C3: variants seen among roughly 807,000 people sequenced by gnomAD.
C3 encodes C3 and PZP-like alpha-2-macroglobulin domain-containing protein 1.
A neutral mutation model predicts 207.9 loss-of-function variants in C3; 97 were observed. The ratio of observed to expected loss-of-function variants is 0.47; its 90% confidence interval spans 0.40 to 0.55. The LOEUF is 0.55. Among genes scored for constraint, C3 ranks in the 20% least tolerant of loss-of-function variants. The pLI is 0.00. For missense variants in C3, 1,684 were observed against 2,171.7 expected (o/e 0.78, Z 4.46); for synonymous variants, 848 against 857.6 (o/e 0.99, Z 0.20).
At chr19:6,685,490 T>C (rs1187106488) in intron 29 of C3, among the ~76,000 whole-genome samples, 3 of 152,086 alleles carry the variant, frequency 2.0e-5, no homozygotes, top group South Asian at 4.1e-4. Flanking sequence ...ACTGAGAATA[T>C]GTCTAGAACC....
chr19:6,707,366 C>A, intron 16 of C3, 93 bp from the exon 17 acceptor site: 1 of 1,596,646 alleles, frequency 6.3e-7, no homozygotes, highest in Non-Finnish European at 8.6e-7. Context: ...ACTTCCCCGC[C>A]GCCAGGGCCT....
Position 6,678,451 on chromosome 19 carries a change from G to A in C3, c.4635C>T (p.Tyr1545=), listed in dbSNP as rs189948635. Reference sequence around the variant, plus strand: ...GCTGAACCTTGACCAGTCGGGTCTTGTACACTGTGGGGGAGAGGCAGACAG... The same window carrying A: ...GCTGAACCTTGACCAGTCGGGTCTTATACACTGTGGGGGAGAGGCAGACAG... The part of the protein sequence containing the change: ...KACEPGVDYV[Y]KTRLVKVQLS... Residue 1545 remains tyrosine, a synonymous_variant, in exon 39 of 41, where the codon TAC becomes TAT. Coordinates refer to ENST00000245907, the MANE Select transcript of C3 (RefSeq NM_000064.4). The A allele has an allele frequency of 1.8e-4, 296 of 1,614,036 alleles. No individual in the cohort carries two copies. In the East Asian group the frequency reaches 4.1e-3, roughly 22 times the overall value.
At chr19:6,707,387 C>T (rs878967270) in intron 16 of C3, 79 bp downstream of exon 16, 2 of 1,600,478 alleles carry the variant, frequency 1.2e-6, no homozygotes, top group South Asian at 2.2e-5. Flanking sequence ...CCCCTCCTCC[C>T]TCTCTGGCTC....
intron 23 of C3, among the ~76,000 whole-genome samples, chr19:6,695,700 A>C (rs1427398579): frequency 6.6e-6 from 1 of 151,816 alleles, no homozygotes; most frequent in Non-Finnish European, 1.5e-5. Context: ...GGCTGGTCTC[A>C]AACTCCTACC....
At chr19:6,707,592 C>T (rs537661357) in intron 15 of C3, 55 bp from the exon 16 acceptor site, 3 of 1,592,672 alleles carry the variant, frequency 1.9e-6, no homozygotes, top group East Asian at 2.2e-5. Context: ...TAGGTGTCCT[C>T]GGTTCACCCC....
In C3 at chr19:6,719,135, G is replaced by C; in HGVS notation, c.267+76C>G. 7.7e-7 allele frequency: 1 copy of C among 1,290,520 alleles called. No homozygotes were observed. The highest frequency in any genetic ancestry group is 1.1e-6 in the Non-Finnish European group (1 of 886,870). 79.9% of individuals were successfully genotyped at this position (1,290,520 alleles called of 1,614,324 possible). A position where few individuals can be genotyped will look rare whatever the true frequency, so the allele number is the denominator to read the frequency against. On this transcript the variant is annotated intron_variant, in intron 2 of 40. Transcript: ENST00000245907. The surrounding 1 kb of genome is among the most constrained non-coding windows in gnomAD (Gnocchi z 5.4). Reference sequence around the variant, plus strand: ...GGCTTAGAAAGGGAGAAGACAGAAGGGGAGGGGCTCAGGAGGAGGGGGGGA... The same window carrying C: ...GGCTTAGAAAGGGAGAAGACAGAAGCGGAGGGGCTCAGGAGGAGGGGGGGA...
rs768568527 is a variant in C3, at chr19:6,678,247, G to T, written c.4755C>A (p.Ile1585=). 2.5e-6 allele frequency: 4 copies of T among 1,614,212 alleles called. No individual in the cohort carries two copies. The highest frequency in any genetic ancestry group is 3.4e-6 in the Non-Finnish European group (4 of 1,180,030). Reference sequence around the variant, plus strand: ...GGGCTTCTCTGCACTTGATGGGGCTGATGAACGTGCGCTGCTGTCCAACCT... The same window carrying T: ...GGGCTTCTCTGCACTTGATGGGGCTTATGAACGTGCGCTGCTGTCCAACCT... ...EVQVGQQRTF[I]SPIKCREALK... Residue 1585 remains isoleucine, a synonymous_variant, in exon 40 of 41, where the codon ATC becomes ATA. Coordinates refer to ENST00000245907, the MANE Select transcript of C3 (RefSeq NM_000064.4).
At chr19:6,711,892 A>G (rs1454270248) in intron 11 of C3, among the ~76,000 whole-genome samples, 2 of 152,196 alleles carry the variant, frequency 1.3e-5, no homozygotes, top group East Asian at 3.9e-4. Context: ...GAGTGGAAAG[A>G]CTGTGCGTGG....
rs1967805668 is a variant in C3, at chr19:6,707,474, A to C, written c.2039T>G (p.Met680Arg). ...GTAGGAAAGGCTCCCACCTTTGTCC[A>C]TTCGCTTCTCCGTGAGCTGCACGGA... ...RRSVQLTEKRMDKVGKYPKEL... is the reference protein window; with the variant it reads ...RRSVQLTEKRRDKVGKYPKEL... Residue 680 changes from methionine (M) to arginine (R), a missense_variant, in exon 16 of 41, where the codon ATG (methionine) becomes AGG (arginine). This residue lies in a region of C3 where 1,280 missense variants were observed against 1,739.1 expected (regional missense o/e 0.74). Transcript: ENST00000245907. The C allele has an allele frequency of 6.2e-7, 1 of 1,613,804 alleles. No individual in the cohort carries two copies. Among genetic ancestry groups the C allele is most frequent in the Non-Finnish European group, 8.5e-7 (1 of 1,179,936 alleles).
At chr19:6,702,904 C>T (rs1022410038) in intron 17 of C3, 11 of 345,596 alleles carry the variant, frequency 3.2e-5, no homozygotes, top group African/African-American at 6.4e-5. Flanking sequence ...TGTGGTGGCG[C>T]GTGCCTGTGA....
At chr19:6,695,667 A>T (rs533205242) in intron 23 of C3, among the ~76,000 whole-genome samples, 1 of 151,846 alleles carries the variant, frequency 6.6e-6, no homozygotes, top group East Asian at 2.0e-4. Context: ...TTTAGTAGAG[A>T]CAGGGTTTCA....
Position 6,684,552 on chromosome 19 carries a change from C to A in C3, c.4120+8G>T, listed in dbSNP as rs886054652. ...GAAGGTGACAGATAAGGCCTTGATT[C>A]CTTTTACCTGTTTCCGGTGCTGGTT... On this transcript the variant is annotated splice_region_variant and intron_variant, in intron 32 of 40. Coordinates refer to ENST00000245907, the MANE Select transcript of C3 (RefSeq NM_000064.4). The A allele has an allele frequency of 1.9e-6, 3 of 1,610,046 alleles. No homozygotes were observed. Among genetic ancestry groups the A allele is most frequent in the Non-Finnish European group, 2.6e-6 (3 of 1,176,274 alleles).
rs779820493 is a variant in C3 at position 6,686,137 on chromosome 19, T to C, written c.3797A>G (p.Tyr1266Cys). 2.1e-5 allele frequency: 34 copies of C among 1,613,940 alleles called. No homozygotes were observed. Among genetic ancestry groups the C allele is most frequent in the Non-Finnish European group, 2.8e-5 (33 of 1,180,028 alleles). ...LNEQRYYGGG[Y>C]GSTQATFMVF... ...GGGCCCACTTGCCTGGGTAGAGCCA[T>C]AGCCACCACCGTAGTATCTCTGTTC... The change falls in exon 29 of 41, where the codon TAT (tyrosine) becomes TGT (cysteine). Residue 1266 changes from tyrosine (Y) to cysteine (C), a missense_variant. By Grantham distance (194) the Tyr-to-Cys change is radical. Coordinates refer to ENST00000245907, the MANE Select transcript of C3 (RefSeq NM_000064.4).
rs150763358 is a variant in C3, at chr19:6,694,594, C to T, written c.2991G>A (p.Ala997=). Residue 997 remains alanine, a synonymous_variant, in exon 24 of 41, where the codon GCG becomes GCA. Transcript: ENST00000245907. The part of the protein sequence containing the change: ...VAQMTEDAVD[A]ERLKHLIVTP... Reference sequence around the variant, plus strand: ...TCACAATGAGGTGCTTCAGCCGTTCCGCGTCGACGGCATCCTCTGTCATCT... The same window carrying T: ...TCACAATGAGGTGCTTCAGCCGTTCTGCGTCGACGGCATCCTCTGTCATCT... The T allele has an allele frequency of 1.5e-5, 24 of 1,613,554 alleles. No homozygotes were observed. The African/African-American group carries it at 2.1e-4, about 14-fold the overall frequency.
chr19:6,697,319 G>A, intron 21 of C3, 25 bp downstream of exon 21: 1 of 1,577,650 alleles, frequency 6.3e-7, no homozygotes, highest in South Asian at 1.1e-5. Flanking sequence ...AAGGACAAGG[G>A]TTTGTGGGTG....
chr19:6,692,530 C>T lies in C3; in HGVS notation c.3390+394G>A, dbSNP rs539848919. 2.6e-4 allele frequency among the ~76,000 whole-genome samples: 39 copies of T among 151,950 alleles called. 2 individuals are homozygous for T. In the South Asian group the frequency reaches 6.7e-3, roughly 26 times the overall value. ...TACAAGGTCTCCAAATAAGGAGGGG[C>T]GGGGAGAGTGTTGCTTGGACCAGGG... On this transcript the variant is annotated intron_variant, in intron 26 of 40. Transcript: ENST00000245907.
In C3 at chr19:6,720,610, TCAGAGGGA is replaced by T. The variant is rs964945202; in HGVS notation, c.-29_-22del. ...CCCATGGTGCTGGGACAGTGCAGGGTCAGAGGGACAGAGGGACAGAGGGAGAGGATGGG... is the reference window on the plus strand; with the variant it reads ...CCCATGGTGCTGGGACAGTGCAGGGTCAGAGGGACAGAGGGAGAGGATGGG... On this transcript the variant is annotated 5_prime_UTR_variant, in exon 1 of 41. Coordinates refer to ENST00000245907, the MANE Select transcript of C3 (RefSeq NM_000064.4). 1.7e-5 allele frequency: 26 copies of T among 1,558,656 alleles called. No homozygotes were observed. The highest frequency in any genetic ancestry group is 1.1e-4 in the Admixed American group (6 of 52,556).
chr19:6,713,619 T>TCTCACCTGGCCCCACCTCCAGCCC, intron 7 of C3, 110 bp from the exon 8 acceptor site: 1 of 833,100 alleles, frequency 1.2e-6, no homozygotes, highest in Non-Finnish European at 1.9e-6. Context: ...ACTGCTGGCC[T>TCTCACCTGGCCCCACCTCCAGCCC]CTCACCTGGC....
intron 25 of C3, 40 bp from the exon 26 acceptor site, chr19:6,693,123 T>C (rs749147049): frequency 6.2e-7 from 1 of 1,608,120 alleles, no homozygotes; most frequent in Admixed American, 1.7e-5. Flanking sequence ...GGCTCTGAGA[T>C]CCAGAGACTG....
Sources: gnomAD v4.1 joint callset for allele counts (sites outside exome capture counted in the v4.1 genomes callset) on GRCh38, gnomAD v4.1.1 for gene constraint, gnomAD v4.1.1 regional missense constraint, Gnocchi (gnomAD v3.1) non-coding constraint, MANE v1.5 for transcripts, NCBI Gene and HGNC (gene_info 2026-07-23, HGNC 2026-07-21) for gene names.